Variants in PPP1R12C observed in about 807,000 individuals in gnomAD.
PPP1R12C encodes protein phosphatase 1 regulatory subunit 12C, also known as leukocyte receptor cluster (LRC) encoded novel gene 3.
A neutral mutation model predicts 95.6 loss-of-function variants in PPP1R12C; 48 were observed. The observed-to-expected ratio is 0.50, with a 90% confidence interval of 0.40 to 0.64. The LOEUF (loss-of-function observed/expected upper bound fraction) is 0.64, where lower values mean the gene tolerates loss of function less well. Ranked by LOEUF, PPP1R12C falls within the 30% of genes least tolerant of loss-of-function variation. The probability of loss-of-function intolerance (pLI) is 0.00; values close to 1 mark genes in which losing one functional copy is unlikely to be tolerated. For synonymous variants in PPP1R12C, 480 were observed against 460.8 expected (o/e 1.04, Z -0.53); for missense variants, 1,057 against 1,083.3 (o/e 0.98, Z 0.34).
At position 55,091,285 on chromosome 19, in the gene PPP1R12C, C is replaced by T; in HGVS notation, c.*187G>A. ...CCTGCTTGGCTCGGCCTCCCACCTC[C>T]ATCCTGGCCTCGGGTGGCCCCCTCG... On this transcript the variant is annotated 3_prime_UTR_variant, in exon 22 of 22. Coordinates refer to ENST00000263433, the MANE Select transcript of PPP1R12C (RefSeq NM_017607.4). The T allele has an allele frequency of 1.6e-6, 1 of 635,554 alleles. No homozygotes were observed. The highest frequency in any genetic ancestry group is 2.7e-6 in the Non-Finnish European group (1 of 369,202). 39.4% of individuals were successfully genotyped at this position (635,554 alleles called of 1,614,324 possible).
intron 1 of PPP1R12C, chr19:55,114,690 C>G (rs1456170752): frequency 6.6e-6 from 1 of 152,438 alleles, no homozygotes; most frequent in Non-Finnish European, 1.5e-5. Flanking sequence ...GGGAATCCCT[C>G]CTCTCTGAAC....
chr19:55,104,084 A>G (rs1326217368), intron 3 of PPP1R12C, among the ~76,000 whole-genome samples: 1 of 145,312 alleles, frequency 6.9e-6, no homozygotes, highest in Non-Finnish European at 1.5e-5. Flanking sequence ...AATCGCTTGA[A>G]CCCGGGAGTT....
intron 1 of PPP1R12C, 38 bp downstream of exon 1, chr19:55,117,185 G>T (rs1223364180): frequency 3.3e-6 from 4 of 1,217,520 alleles, no homozygotes; most frequent in African/African-American, 1.6e-5. Flanking sequence ...GCAGAGGGTG[G>T]ACCTGGCCCC....
chr19:55,108,445 G>A (rs74406067), intron 3 of PPP1R12C, among the ~76,000 whole-genome samples: 5 of 151,732 alleles, frequency 3.3e-5, no homozygotes, highest in Admixed American at 6.6e-5. Flanking sequence ...CTTGGGCAAC[G>A]TGGTGAAACC....
At chr19:55,096,709 G>A in intron 6 of PPP1R12C, 1 of 386,304 alleles carries the variant, frequency 2.6e-6, no homozygotes, top group African/African-American at 2.1e-5. Context: ...GCCGGCACTC[G>A]CCTCCTCCTT....
chr19:55,111,533 A>C (rs1013429728), intron 3 of PPP1R12C: 1 of 152,180 alleles, frequency 6.6e-6, no homozygotes, highest in Non-Finnish European at 1.5e-5. Context: ...CCCGAACCTC[A>C]GATCTCCGCC....
rs768453946 is a variant in PPP1R12C at position 55,099,037 on chromosome 19, G to A, written c.790C>T (p.Leu264=). The A allele has an allele frequency of 2.1e-5, 33 of 1,554,304 alleles. No homozygotes were observed. The East Asian group carries it at 6.3e-4, about 29-fold the overall frequency. The change falls in exon 5 of 22, where the codon CTG becomes TTG. Residue 264 remains leucine, a synonymous_variant. Coordinates refer to ENST00000263433, the MANE Select transcript of PPP1R12C (RefSeq NM_017607.4). ...ACGCCCCAGTGTGCCGCTGCGTGCA[G>A]GGGAGTCCAGCCGTCCCCGTCCCGG... ...ELRDGDGWTP[L]HAAAHWGVED...
chr19:55,094,708 G>A lies in PPP1R12C; in HGVS notation c.1545C>T (p.Val515=), dbSNP rs1286062231. 18 of 1,609,848 alleles carry A rather than the reference G, an allele frequency of 1.1e-5. No individual in the cohort carries two copies. Among genetic ancestry groups the A allele is most frequent in the Non-Finnish European group, 1.5e-5 (18 of 1,179,110 alleles). The change falls in exon 12 of 22, where the codon GTC becomes GTT. Residue 515 remains valine (V), a synonymous_variant. Coordinates refer to ENST00000263433, the MANE Select transcript of PPP1R12C (RefSeq NM_017607.4). The part of the protein sequence containing the change: ...PEPESPAKPN[V]PTASTAPPAD... The stretch of plus-strand genomic sequence containing the variant: ...CTGGGGGCGCCGTGGAGGCTGTGGG[G>A]ACGTTTGGCTTCGCTGGGGATTCAG...
rs370156392 is a variant in PPP1R12C, at chr19:55,103,467, G to A, written c.673C>T (p.Arg225Cys). 5.1e-5 allele frequency: 81 copies of A among 1,597,474 alleles called. No homozygotes were observed. The highest frequency in any genetic ancestry group is 3.7e-4 in the South Asian group (33 of 89,912). ...ACGTGCAGGGCAGAGGCGCCTGTGC[G>A]GGGGTGCCGGGCCTCTGGCATGGCG... ...GGAMPEARHP[R>C]TGASALHVAA... The change falls in exon 4 of 22, where the codon CGC (arginine) becomes TGC (cysteine). Residue 225 changes from arginine (R) to cysteine (C), a missense_variant. By Grantham distance (180) the Arg-to-Cys change is radical (BLOSUM62 -3). Coordinates refer to ENST00000263433, the MANE Select transcript of PPP1R12C (RefSeq NM_017607.4).
chr19:55,117,617 C>T lies in PPP1R12C; in HGVS notation c.-74G>A, dbSNP rs866327718. On this transcript the variant is annotated 5_prime_UTR_variant, in exon 1 of 22. Transcript: ENST00000263433. ...CCGCCACCACCCGCCCGCCCGCCCG[C>T]CCCGGGGGCCGCCGGGAACTGCCGC... 22 of 912,700 alleles carry T rather than the reference C, an allele frequency of 2.4e-5. No individual in the cohort carries two copies. The highest frequency in any genetic ancestry group is 2.9e-5 in the Non-Finnish European group (22 of 766,900). The allele number at this position is 912,700 out of a possible 1,614,324, so 56.5% of individuals were successfully genotyped here. A position where few individuals can be genotyped will look rare whatever the true frequency, so the allele number is the denominator to read the frequency against.
rs1430412598 is a variant in PPP1R12C, at chr19:55,095,451, G to A, written c.1380C>T (p.Ser460=). Residue 460 remains serine (S), a synonymous_variant, in exon 10 of 22, where the codon TCC becomes TCT. Transcript: ENST00000263433. ...SASSSWLEGT[S]TQAKELRLAR... ...CGGCCCAACCCTCACTCACCTGAGT[G>A]GAGGTCCCTTCCAGCCAGGAGGAGG... 3 of 1,561,724 alleles carry A rather than the reference G, an allele frequency of 1.9e-6. No homozygotes were observed. The highest frequency in any genetic ancestry group is 2.6e-6 in the Non-Finnish European group (3 of 1,153,330).
Position 55,096,839 on chromosome 19 carries a change from G to A in PPP1R12C, c.952-504C>T, listed in dbSNP as rs112906934. The A allele has an allele frequency of 5.2e-3, 437 of 83,868 alleles. 1 individual carries two copies. Among genetic ancestry groups the A allele is most frequent in the Non-Finnish European group, 6.2e-3 (267 of 43,002 alleles). The allele number at this position is 83,868 out of a possible 1,614,324, so 5.2% of individuals were successfully genotyped here. On this transcript the variant is annotated intron_variant, in intron 6 of 21. Coordinates refer to ENST00000263433, the MANE Select transcript of PPP1R12C (RefSeq NM_017607.4). Reference sequence around the variant, plus strand: ...CCCCGCGCAGTTCACCACCGTCTTCGCCCCTTCCCCGCGCAGTTCACCACC... The same window carrying A: ...CCCCGCGCAGTTCACCACCGTCTTCACCCCTTCCCCGCGCAGTTCACCACC...
At chr19:55,114,738 C>T (rs909052375) in intron 1 of PPP1R12C, 5 of 152,258 alleles carry the variant, frequency 3.3e-5, no homozygotes, top group African/African-American at 1.2e-4. Flanking sequence ...CCTGGGATAC[C>T]CCGAAGAGTG....
Position 55,092,787 on chromosome 19 carries a change from G to A in PPP1R12C, c.1907C>T (p.Ala636Val), listed in dbSNP as rs2084861544. 4 of 1,552,936 alleles carry A rather than the reference G, an allele frequency of 2.6e-6. No homozygotes were observed. Among genetic ancestry groups the A allele is most frequent in the South Asian group, 1.2e-5 (1 of 84,492 alleles). The change falls in exon 16 of 22, where the codon GCG (alanine) becomes GTG (valine). Residue 636 changes from alanine to valine, a missense_variant. Transcript: ENST00000263433. ...GGCCCCACCTGAGCCCCTCACCTCC[G>A]CAGGCCCCCTCCACTCCTTTCCGAC... ...RKVGKEWRGP[A>V]EGEEAEPADR...
At position 55,117,292 on chromosome 19, in the gene PPP1R12C, G is replaced by A; in HGVS notation, c.252C>T (p.Pro84=). 1 of 1,216,570 alleles carries A rather than the reference G, an allele frequency of 8.2e-7. No homozygotes were observed. The allele number at this position is 1,216,570 out of a possible 1,614,324, so 75.4% of individuals were successfully genotyped here. Residue 84 remains proline, a synonymous_variant, in exon 1 of 22, where the codon CCC becomes CCT. Coordinates refer to ENST00000263433, the MANE Select transcript of PPP1R12C (RefSeq NM_017607.4). ...CGGCGCGGGCGGGCGGCGGCGCGGC[G>A]GGGTCGAGCTCGGCGCCGGGGCCAG... The part of the protein sequence containing the change: ...ADPGPGAELD[P]AAPPPARAVL...
intron 9 of PPP1R12C, 25 bp from the exon 10 acceptor site, chr19:55,095,628 TAGAG>T (rs1166361907): frequency 1.0e-5 from 16 of 1,533,654 alleles, no homozygotes; most frequent in South Asian, 6.5e-5. Flanking sequence ...AGGTCTCAGT[TAGAG>T]AGAAAGGATC....
intron 6 of PPP1R12C, among the ~76,000 whole-genome samples, chr19:55,097,746 ACT>A: frequency 6.6e-6 from 1 of 151,798 alleles, no homozygotes; most frequent in East Asian, 1.9e-4. Flanking sequence ...CTTCTAGCAA[ACT>A]CTTAGTGCTG....
At chr19:55,097,963 C>T (rs2084940700) in intron 6 of PPP1R12C, among the ~76,000 whole-genome samples, 1 of 152,184 alleles carries the variant, frequency 6.6e-6, no homozygotes, top group African/African-American at 2.4e-5. Flanking sequence ...CTGGGCACCT[C>T]AGGGCACCCA....
In PPP1R12C at chr19:55,097,474, A is replaced by C. The variant is rs113042860; in HGVS notation, c.952-1139T>G. On this transcript the variant is annotated intron_variant, in intron 6 of 21. Coordinates refer to ENST00000263433, the MANE Select transcript of PPP1R12C (RefSeq NM_017607.4). ...CCGCGCAGTTCACCACCGTCTTCAC[A>C]CCTTCCCCGCGCAGTTCACCACCGT... Among the ~76,000 whole-genome samples the C allele has an allele frequency of 2.0e-3, 186 of 93,008 alleles. 1 individual carries two copies. The highest frequency in any genetic ancestry group is 7.9e-3 in the African/African-American group (145 of 18,432). 61.0% of individuals were successfully genotyped at this position (93,008 alleles called of 152,430 possible).
Sources: allele counts gnomAD v4.1 joint callset (sites outside exome capture counted in the v4.1 genomes callset), GRCh38; gene constraint gnomAD v4.1.1; transcripts MANE v1.5; gene names NCBI Gene and HGNC (gene_info 2026-07-23, HGNC 2026-07-21).